The following C4orf50 variants were observed in gnomAD, a reference collection of about 807,000 sequenced individuals.
C4orf50 encodes uncharacterized protein C4orf50.
C4orf50 carries 80 observed loss-of-function variants against 77.2 expected under a neutral mutation model. The observed-to-expected ratio is 1.04, with a 90% CI of 0.87 to 1.25. The LOEUF is 1.25. Ranked by LOEUF, C4orf50 falls within the 50% of genes most tolerant of loss-of-function variation. The probability of loss-of-function intolerance (pLI) is 0.00; values close to 1 mark genes in which losing one functional copy is unlikely to be tolerated. For synonymous variants in C4orf50, 532 were observed against 465.3 expected, an observed-to-expected ratio of 1.14 and a Z score of -1.84; for missense variants, 1,257 against 1,152.9, an observed-to-expected ratio of 1.09 and a Z score of -1.31.
Position 5,988,259 on chromosome 4 carries a change from G to A in C4orf50, c.3699+88C>T, listed in dbSNP as rs530729836. Reference sequence around the variant, plus strand: ...GGAGGATGATTGTACCTCCCTCACAGGACTCTGGTGAATTGCATAAGTGAA... The same window carrying A: ...GGAGGATGATTGTACCTCCCTCACAAGACTCTGGTGAATTGCATAAGTGAA... On this transcript the variant is annotated intron_variant, in intron 28 of 33. Coordinates refer to ENST00000531445, the Ensembl canonical transcript of C4orf50. The A allele has an allele frequency of 6.0e-6, 9 of 1,512,528 alleles. No homozygotes were observed. In the African/African-American group the frequency reaches 1.2e-4, roughly 21 times the overall value. 93.7% of individuals were successfully genotyped at this position (1,512,528 alleles called of 1,614,324 possible).
Position 6,009,939 on chromosome 4 carries a change from G to A in C4orf50, c.427-1407C>T, listed in dbSNP as rs139783349. Among the ~76,000 whole-genome samples the A allele has an allele frequency of 1.3e-5, 2 of 152,254 alleles. No individual in the cohort carries two copies. The highest frequency in any genetic ancestry group is 2.4e-5 in the African/African-American group (1 of 41,546). On this transcript the variant is annotated intron_variant, in intron 24 of 33. Coordinates refer to ENST00000531445, the Ensembl canonical transcript of C4orf50. The surrounding 1 kb of genome is among the most constrained non-coding windows in gnomAD (Gnocchi z 5.6). Reference sequence around the variant, plus strand: ...TGAGTCTTTCCCGGGAGCATACACAGCACATGAGACAGATTTAATAAGACG... The same window carrying A: ...TGAGTCTTTCCCGGGAGCATACACAACACATGAGACAGATTTAATAAGACG...
chr4:5,955,305 G>A (rs377325448), downstream of C4orf50, among the ~76,000 whole-genome samples: 9 of 152,244 alleles, frequency 5.9e-5, no homozygotes, highest in South Asian at 1.5e-3. This position sits in a 1 kb window ranked among gnomAD's most constrained non-coding sequence, Gnocchi z 5.1. Flanking sequence ...CCGAGGCGGG[G>A]AGAGGTGGGG....
chr4:5,973,100 C>T (rs776367837), intron 31 of C4orf50, among the ~76,000 whole-genome samples: 10 of 152,218 alleles, frequency 6.6e-5, no homozygotes, highest in Non-Finnish European at 1.3e-4. Context: ...GGCTATGGAG[C>T]GGCTCTGGGC....
At chr4:5,946,346 T>C (rs1718481455) in intron 7 of C4orf50, among the ~76,000 whole-genome samples, 2 of 152,206 alleles carry the variant, frequency 1.3e-5, no homozygotes, top group South Asian at 4.1e-4. Flanking sequence ...AGACCTTCAA[T>C]GCACCCCCTG....
chr4:5,956,993 C>A (rs1314353489), downstream of C4orf50: 1 of 152,264 alleles, frequency 6.6e-6, no homozygotes, highest in African/African-American at 2.4e-5. Flanking sequence ...GGTCTACAGA[C>A]CAGGCGAGGG....
At chr4:5,926,210 A>G (rs1424371010) in intron 7 of C4orf50, among the ~76,000 whole-genome samples, 1 of 152,246 alleles carries the variant, frequency 6.6e-6, no homozygotes, top group African/African-American at 2.4e-5. Flanking sequence ...TGGTGAATGG[A>G]TAACCTAAAT....
intron 31 of C4orf50, among the ~76,000 whole-genome samples, chr4:5,968,145 C>T (rs889374330): frequency 6.6e-6 from 1 of 152,216 alleles, no homozygotes; most frequent in Non-Finnish European, 1.5e-5. Flanking sequence ...CATGCTCTTC[C>T]TCCAGGTATA....
intron 7 of C4orf50, chr4:5,902,203 A>G (rs947096491): frequency 1.3e-5 from 2 of 152,234 alleles, no homozygotes; most frequent in African/African-American, 4.8e-5. Flanking sequence ...TTTTTAACCT[A>G]GAAAACAGAT....
intron 7 of C4orf50, among the ~76,000 whole-genome samples, chr4:5,917,224 AG>A (rs1717066328): frequency 6.6e-6 from 1 of 152,206 alleles, no homozygotes; most frequent in Admixed American, 6.5e-5. Context: ...TCATTCACAC[AG>A]CCCTGCTTAG....
chr4:5,912,556 T>G lies in C4orf50; in HGVS notation c.*2475-14368A>C, dbSNP rs191577961. 2.4e-4 allele frequency among the ~76,000 whole-genome samples: 37 copies of G among 152,326 alleles called. No individual in the cohort carries two copies. In the East Asian group the frequency reaches 6.9e-3, roughly 29 times the overall value. Reference sequence around the variant, plus strand: ...ATGGTGAAAGAGTGCACCAGTGTTCTAAAATGCACCCAGTATTTTGTTTTA... The same window carrying G: ...ATGGTGAAAGAGTGCACCAGTGTTCGAAAATGCACCCAGTATTTTGTTTTA... On this transcript the variant is annotated intron_variant, in intron 7 of 7. Transcript: ENST00000324058.
At chr4:5,979,994 T>C (rs533010592) in intron 29 of C4orf50, among the ~76,000 whole-genome samples, 180 bp downstream of exon 7, 2 of 152,322 alleles carry the variant, frequency 1.3e-5, no homozygotes, top group South Asian at 2.1e-4. Flanking sequence ...GAAGCAATCA[T>C]AGAGCCTGTG....
At chr4:5,967,447 C>A (rs780615344) in exon 32 of C4orf50, 2 of 1,614,040 alleles carry the variant, frequency 1.2e-6, no homozygotes, top group Non-Finnish European at 1.7e-6. Context: ...GACTTGACGT[C>A]CAGGTGGTGG....
chr4:5,931,328 A>G (rs1404676111), intron 7 of C4orf50, among the ~76,000 whole-genome samples: 7 of 152,032 alleles, frequency 4.6e-5, no homozygotes, highest in African/African-American at 1.7e-4. Flanking sequence ...AGTATCAGTT[A>G]GGGAATCTAG....
Position 5,977,137 on chromosome 4 carries a change from C to T in C4orf50, c.3865-1182G>A, listed in dbSNP as rs371773212. ...AGGATGTGAGTGAGGCCGCCGGGGACCCCCCAGCCGAGACTGGCATCCAGC... is the reference window on the plus strand; with the variant it reads ...AGGATGTGAGTGAGGCCGCCGGGGATCCCCCAGCCGAGACTGGCATCCAGC... On this transcript the variant is annotated intron_variant, in intron 29 of 33. Transcript: ENST00000531445. Among the ~76,000 whole-genome samples, 6 of 152,296 alleles carry T rather than the reference C, an allele frequency of 3.9e-5. No homozygotes were observed. The East Asian group carries it at 5.8e-4, about 15-fold the overall frequency.
At chr4:5,947,005 A>G (rs1718509520) in intron 7 of C4orf50, among the ~76,000 whole-genome samples, 1 of 152,224 alleles carries the variant, frequency 6.6e-6, no homozygotes, top group African/African-American at 2.4e-5. Context: ...CCACCATTTC[A>G]ATAAAGATGA....
Position 5,929,024 on chromosome 4 carries a change from C to T in C4orf50, c.*2474+27877G>A, listed in dbSNP as rs1477708937. On this transcript the variant is annotated intron_variant, in intron 7 of 7. Coordinates refer to the C4orf50 transcript ENST00000324058. ...TCATCATTGCATAGCTACCTCCTAA[C>T]ACTGTCCCTGATACCCACAGTAGGC... Among the ~76,000 whole-genome samples the T allele has an allele frequency of 2.6e-5, 4 of 152,314 alleles. No individual in the cohort carries two copies. The East Asian group carries it at 5.8e-4, about 22-fold the overall frequency.
At chr4:5,984,415 A>G (rs1212255638) in intron 28 of C4orf50, among the ~76,000 whole-genome samples, 1 of 152,116 alleles carries the variant, frequency 6.6e-6, no homozygotes, top group East Asian at 1.9e-4. Flanking sequence ...ACAAAACCAA[A>G]CCCCTCAAGG....
intron 7 of C4orf50, among the ~76,000 whole-genome samples, chr4:5,933,214 T>A (rs1453528816): frequency 6.6e-6 from 1 of 152,230 alleles, no homozygotes; most frequent in African/African-American, 2.4e-5. Context: ...CTGGGATGCA[T>A]GTGAAAACAC....
chr4:5,980,431 G>GTT (rs58696068), intron 28 of C4orf50, 93 bp from the exon 7 acceptor site: 1,344 of 937,068 alleles, frequency 1.4e-3, no homozygotes, highest in Non-Finnish European at 1.7e-3. Flanking sequence ...CCACTCCGTA[G>GTT]TTTTTTTTTT....
Sources: gnomAD v4.1 joint callset for allele counts (sites outside exome capture counted in the v4.1 genomes callset) on GRCh38, gnomAD v4.1.1 for gene constraint, Gnocchi (gnomAD v3.1) non-coding constraint, MANE v1.5 for transcripts, NCBI Gene and HGNC (gene_info 2026-07-23, HGNC 2026-07-21) for gene names.